The following RBFOX1 variants were observed in gnomAD, a reference collection of about 807,000 sequenced individuals.
RBFOX1 encodes RNA binding protein fox-1 homolog 1.
In RBFOX1, 8 loss-of-function variants were observed where a neutral mutation model predicts 57.7. That is an observed-to-expected ratio of 0.14 (90% CI 0.08 to 0.25). The LOEUF is 0.25. RBFOX1 is among the 10% of genes least tolerant of loss of function. The pLI is 1.00. For synonymous variants in RBFOX1, 326 were observed against 222.4 expected, an observed-to-expected ratio of 1.47 and a Z score of -4.15; for missense variants, 611 against 548.5, an observed-to-expected ratio of 1.11 and a Z score of -1.14.
chr16:5,393,636 G>A (rs1419684660), intron 1 of RBFOX1, among the ~76,000 whole-genome samples: 1 of 152,160 alleles, frequency 6.6e-6, no homozygotes, highest in Non-Finnish European at 1.5e-5. Context: ...TACTTCATGT[G>A]TCATCCTGTT....
At chr16:6,991,603 C>G (rs1473759998) in intron 3 of RBFOX1, among the ~76,000 whole-genome samples, 2 of 152,176 alleles carry the variant, frequency 1.3e-5, no homozygotes, top group East Asian at 3.9e-4. Context: ...GTGGTGCAAT[C>G]TCAGCTCACT....
intron 2 of RBFOX1, among the ~76,000 whole-genome samples, chr16:6,557,690 C>T (rs534963309): frequency 9.8e-5 from 15 of 152,306 alleles, no homozygotes; most frequent in Non-Finnish European, 1.6e-4. Context: ...CCAAGTATCT[C>T]ATTGCAAACT....
Position 5,712,852 on chromosome 16 carries a change from C to T in RBFOX1, c.318+113891C>T, listed in dbSNP as rs377247572. On this transcript the variant is annotated intron_variant, in intron 3 of 19. Coordinates refer to the RBFOX1 transcript ENST00000641259. ...CATACACTTGACTCCACCCAACTTC[C>T]ACCCCCACTCCATTTCTGTGCTGCA... Among the ~76,000 whole-genome samples, 5 of 152,300 alleles carry T rather than the reference C, an allele frequency of 3.3e-5. No individual in the cohort carries two copies. In the South Asian group the frequency reaches 6.2e-4, roughly 19 times the overall value.
At chr16:5,631,671 C>T (rs144450083) in intron 3 of RBFOX1, among the ~76,000 whole-genome samples, 11 of 152,178 alleles carry the variant, frequency 7.2e-5, no homozygotes, top group Admixed American at 1.3e-4. Flanking sequence ...CCTCCTAGAA[C>T]GGAAGCTACT....
intron 3 of RBFOX1, among the ~76,000 whole-genome samples, chr16:5,662,179 G>A (rs1040745060): frequency 6.6e-5 from 10 of 152,072 alleles, no homozygotes; most frequent in African/African-American, 1.7e-4. Context: ...ACTGGGATTC[G>A]TATCAAAGTT....
chr16:6,109,746 T>G (rs551926394), intron 1 of RBFOX1, among the ~76,000 whole-genome samples: 1 of 152,306 alleles, frequency 6.6e-6, no homozygotes, highest in South Asian at 2.1e-4. Context: ...ATTATTAAAA[T>G]TTAAGGGCAG....
At chr16:7,688,261 G>GAC (rs2076540468) in intron 14 of RBFOX1, among the ~76,000 whole-genome samples, 2 of 124,882 alleles carry the variant, frequency 1.6e-5, no homozygotes, top group Non-Finnish European at 3.5e-5. Flanking sequence ...GTGTGTGTGT[G>GAC]AGAGAGAGAG....
At chr16:6,652,923 T>A (rs1227657653) in intron 2 of RBFOX1, among the ~76,000 whole-genome samples, 2 of 152,196 alleles carry the variant, frequency 1.3e-5, no homozygotes, top group African/African-American at 4.8e-5. Flanking sequence ...TTTATCACAA[T>A]AAGGTAATAA....
intron 1 of RBFOX1, among the ~76,000 whole-genome samples, chr16:6,199,774 A>G (rs1055252572): frequency 2.0e-5 from 3 of 152,182 alleles, no homozygotes; most frequent in African/African-American, 7.2e-5. Flanking sequence ...GGCTCACAGT[A>G]TATATTTTTA....
chr16:5,420,883 CCCTCCTCCTCT>C (rs1179768047), intron 1 of RBFOX1, among the ~76,000 whole-genome samples: 4 of 136,940 alleles, frequency 2.9e-5, no homozygotes, highest in Non-Finnish European at 4.8e-5. Context: ...CCCTCCCTCC[CCCTCCTCCTCT>C]CCCTCCTCCT....
At position 5,454,926 on chromosome 16, in the gene RBFOX1, T is replaced by TCTTC. The variant is rs1162105535; in HGVS notation, c.220-12258_220-12255dup. The stretch of plus-strand genomic sequence containing the variant: ...TCTTTCTTTCTTTCCTTTGTTTCTT[T>TCTTC]CTTCCTTCCTTCCTTCCTTCCTTCC... On this transcript the variant is annotated intron_variant, in intron 1 of 2. Coordinates refer to the RBFOX1 transcript ENST00000585867. 6.8e-3 allele frequency among the ~76,000 whole-genome samples: 373 copies of TCTTC among 54,704 alleles called. 18 individuals carry two copies. Among genetic ancestry groups the TCTTC allele is most frequent in the South Asian group, 0.016 (24 of 1,498 alleles). The allele number at this position is 54,704 out of a possible 152,430, so 35.9% of individuals were successfully genotyped here.
At chr16:5,609,817 C>T (rs879080100) in intron 3 of RBFOX1, among the ~76,000 whole-genome samples, 3 of 143,078 alleles carry the variant, frequency 2.1e-5, no homozygotes, top group African/African-American at 7.8e-5. Flanking sequence ...GAGCACTGTT[C>T]TAGGAGCTGC....
At chr16:6,617,465 A>AGCACCC (rs2098160488) in intron 2 of RBFOX1, among the ~76,000 whole-genome samples, 1 of 151,816 alleles carries the variant, frequency 6.6e-6, no homozygotes, top group Non-Finnish European at 1.5e-5. Context: ...TTCACTTCTC[A>AGCACCC]TGGATGTAAT....
At chr16:7,216,559 T>C (rs2092079070) in intron 4 of RBFOX1, among the ~76,000 whole-genome samples, 1 of 152,010 alleles carries the variant, frequency 6.6e-6, no homozygotes, top group Admixed American at 6.6e-5. Context: ...GAGTAAAGGG[T>C]GTAGCACAGA....
intron 1 of RBFOX1, among the ~76,000 whole-genome samples, chr16:6,150,485 A>T (rs893362811): frequency 6.6e-6 from 1 of 152,046 alleles, no homozygotes; most frequent in African/African-American, 2.4e-5. Context: ...AATAAGATAA[A>T]ATTAGTGCCT....
intron 4 of RBFOX1, among the ~76,000 whole-genome samples, chr16:7,247,820 T>C (rs1313763827): frequency 2.6e-5 from 4 of 152,108 alleles, no homozygotes; most frequent in East Asian, 3.9e-4. Flanking sequence ...TTCTCACTTA[T>C]AAGTGGGGGC....
chr16:5,370,519 G>A (rs906032288), intron 1 of RBFOX1, among the ~76,000 whole-genome samples: 18 of 149,134 alleles, frequency 1.2e-4, no homozygotes, highest in African/African-American at 3.0e-4. Context: ...ATAAGATAGC[G>A]TCTCACTTTG....
chr16:5,391,890 T>TAC (rs746461930), intron 1 of RBFOX1, among the ~76,000 whole-genome samples: 595 of 147,240 alleles, frequency 4.0e-3, no homozygotes, highest in Middle Eastern at 0.018. Flanking sequence ...TGTGTGTGTA[T>TAC]ACACACACAC....
intron 1 of RBFOX1, among the ~76,000 whole-genome samples, chr16:6,114,907 C>T (rs76558585): frequency 0.035 from 5,290 of 152,230 alleles, 235 homozygotes; most frequent in East Asian, 0.21. Context: ...TGGCAACATA[C>T]GGGCTATTCA....
Sources: gnomAD v4.1 joint callset for allele counts (sites outside exome capture counted in the v4.1 genomes callset) on GRCh38, gnomAD v4.1.1 for gene constraint, MANE v1.5 for transcripts, NCBI Gene and HGNC (gene_info 2026-07-23, HGNC 2026-07-21) for gene names.